Variants in SOX5 observed in about 807,000 individuals in gnomAD.
SOX5 encodes the protein transcription factor SOX-5.
SOX5 carries 9 observed loss-of-function variants against 92.0 expected under a neutral mutation model. That is an observed-to-expected ratio of 0.10 (90% confidence interval 0.06 to 0.17). The LOEUF is 0.17. Among genes scored for constraint, SOX5 ranks in the 10% least tolerant of loss-of-function variants. The pLI, the probability that SOX5 is intolerant of heterozygous loss-of-function variation, is 1.00. For missense variants in SOX5, 642 were observed against 944.5 expected (o/e 0.68, Z 4.20); for synonymous variants, 344 against 336.3 (o/e 1.02, Z -0.25).
At chr12:23,549,583 C>A (rs1943792170) in intron 11 of SOX5, among the ~76,000 whole-genome samples, 3 of 151,784 alleles carry the variant, frequency 2.0e-5, no homozygotes. Flanking sequence ...GGAATACTCG[C>A]CAGAATTCTA....
At chr12:24,234,502 C>G (rs924930854) in intron 3 of SOX5, among the ~76,000 whole-genome samples, 1 of 152,066 alleles carries the variant, frequency 6.6e-6, no homozygotes, top group Admixed American at 6.5e-5. Context: ...CTCAGCCTCC[C>G]GAGTAGCTGG....
chr12:23,643,842 T>G (rs939395396), intron 7 of SOX5, among the ~76,000 whole-genome samples: 2 of 152,022 alleles, frequency 1.3e-5, no homozygotes, highest in African/African-American at 4.8e-5. Context: ...AAGAAAGGAA[T>G]TGGAGGCAGG....
intron 6 of SOX5, among the ~76,000 whole-genome samples, chr12:23,692,697 G>A (rs1593336440): frequency 6.6e-6 from 1 of 152,094 alleles, no homozygotes; most frequent in Non-Finnish European, 1.5e-5. Flanking sequence ...CAAATATTCG[G>A]TATTTTTAAT....
chr12:23,609,895 A>G (rs921986055), intron 8 of SOX5, among the ~76,000 whole-genome samples: 1 of 152,166 alleles, frequency 6.6e-6, no homozygotes, highest in African/African-American at 2.4e-5. Flanking sequence ...AGTTTTTCTT[A>G]TAATTTATTA....
intron 11 of SOX5, among the ~76,000 whole-genome samples, chr12:23,563,008 C>T (rs1016627304): frequency 6.6e-6 from 1 of 152,112 alleles, no homozygotes; most frequent in African/African-American, 2.4e-5. Context: ...TGTTTTAATA[C>T]AAGCTGGTGG....
Position 24,505,153 on chromosome 12 carries a change from T to C in SOX5, c.-251+57176A>G, listed in dbSNP as rs114719949. ...GGCAGCCCTATTGTGCCTAATTTTC[T>C]TGTTTCATTTTTTTCTTTTAAGATT... On this transcript the variant is annotated intron_variant, in intron 1 of 4. Transcript: ENST00000446891. Among the ~76,000 whole-genome samples, 1,215 of 152,368 alleles carry C rather than the reference T, an allele frequency of 8.0e-3. 17 individuals carry two copies. Among genetic ancestry groups the C allele is most frequent in the African/African-American group, 0.028 (1,181 of 41,572 alleles).
At chr12:23,895,746 A>C in intron 2 of SOX5, 47 bp downstream of exon 2, 1 of 1,325,980 alleles carries the variant, frequency 7.5e-7, no homozygotes, top group Non-Finnish European at 1.1e-6. Context: ...AGAGGAGTAG[A>C]CTGGTCAAAA....
intron 4 of SOX5, among the ~76,000 whole-genome samples, chr12:24,031,945 T>C (rs928099000): frequency 1.3e-5 from 2 of 151,842 alleles, no homozygotes; most frequent in East Asian, 3.9e-4. Flanking sequence ...GATAGCCAAA[T>C]AGATGTTTTA....
At chr12:23,824,120 A>G (rs1216459586) in intron 3 of SOX5, among the ~76,000 whole-genome samples, 1 of 152,188 alleles carries the variant, frequency 6.6e-6, no homozygotes, top group African/African-American at 2.4e-5. Flanking sequence ...ACTTCTGTCA[A>G]TTCATCAAAT....
intron 3 of SOX5, among the ~76,000 whole-genome samples, chr12:23,816,207 C>CTT (rs11347313): frequency 1.2e-3 from 154 of 129,632 alleles, no homozygotes; most frequent in African/African-American, 3.9e-3. Flanking sequence ...GACAAGATTT[C>CTT]TTTTTTTTTT....
intron 6 of SOX5, among the ~76,000 whole-genome samples, chr12:23,678,468 C>T (rs1305692951): frequency 6.6e-6 from 1 of 152,114 alleles, no homozygotes; most frequent in African/African-American, 2.4e-5. Flanking sequence ...TTTTCTTTGT[C>T]ATCAAAATTG....
At chr12:24,193,954 G>A (rs951928339) in intron 4 of SOX5, among the ~76,000 whole-genome samples, 1 of 151,948 alleles carries the variant, frequency 6.6e-6, no homozygotes, top group East Asian at 1.9e-4. Context: ...AAAAAAATTG[G>A]CCACCTACAG....
At chr12:24,168,772 C>T (rs957738857) in intron 4 of SOX5, among the ~76,000 whole-genome samples, 3 of 152,086 alleles carry the variant, frequency 2.0e-5, no homozygotes, top group Admixed American at 6.5e-5. Flanking sequence ...CAAACGCCCA[C>T]GGTGGGAGGA....
intron 3 of SOX5, among the ~76,000 whole-genome samples, chr12:24,259,796 G>A (rs927705204): frequency 2.6e-5 from 4 of 152,154 alleles, no homozygotes; most frequent in Non-Finnish European, 5.9e-5. Flanking sequence ...TATAGTCGGT[G>A]GGACGTTGAA....
intron 4 of SOX5, among the ~76,000 whole-genome samples, chr12:24,082,983 C>G (rs1943551257): frequency 6.6e-6 from 1 of 151,904 alleles, no homozygotes; most frequent in South Asian, 2.1e-4. Context: ...GTTGGTCACG[C>G]TTAGCTGCCC....
At chr12:23,643,071 A>G (rs529007940) in intron 7 of SOX5, among the ~76,000 whole-genome samples, 1 of 89,746 alleles carries the variant, frequency 1.1e-5, no homozygotes, top group South Asian at 5.1e-4. Context: ...TGGGCGACAG[A>G]GCGAGACTCC....
intron 3 of SOX5, among the ~76,000 whole-genome samples, chr12:23,809,920 T>A (rs1480745246): frequency 6.6e-6 from 1 of 152,104 alleles, no homozygotes; most frequent in East Asian, 1.9e-4. Context: ...AGTAAATGCC[T>A]CTTATGATTT....
chr12:24,370,542 G>A (rs556120728), intron 1 of SOX5, among the ~76,000 whole-genome samples: 2 of 150,592 alleles, frequency 1.3e-5, no homozygotes, highest in Non-Finnish European at 3.0e-5. Context: ...CTGTAATCCC[G>A]GCACTTTGGG....
In SOX5 at chr12:23,756,344, A is replaced by G. The variant is rs538355015; in HGVS notation, c.482-620T>C. 3.9e-5 allele frequency among the ~76,000 whole-genome samples: 6 copies of G among 151,982 alleles called. No homozygotes were observed. The South Asian group carries it at 1.2e-3, about 32-fold the overall frequency. On this transcript the variant is annotated intron_variant, in intron 3 of 14. Transcript: ENST00000451604. ...TGGAAACCTATTATTTGCTTATTTC[A>G]GATTTGTATCACACTCTTTTAAAAT...
Sources: gnomAD v4.1 joint callset for allele counts (sites outside exome capture counted in the v4.1 genomes callset) on GRCh38, gnomAD v4.1.1 for gene constraint, MANE v1.5 for transcripts, NCBI Gene and HGNC (gene_info 2026-07-23, HGNC 2026-07-21) for gene names.